Variants in GABRA4 observed in about 807,000 individuals in gnomAD.
GABRA4 encodes gamma-aminobutyric acid receptor subunit alpha-4.
GABRA4 carries 12 observed loss-of-function variants against 49.7 expected under a neutral mutation model. The ratio of observed to expected loss-of-function variants is 0.24; its 90% confidence interval spans 0.15 to 0.39. The LOEUF is 0.39. Among genes scored for constraint, GABRA4 ranks in the 10% least tolerant of loss-of-function variants. GABRA4 has a pLI of 1.00. For synonymous variants in GABRA4, 288 were observed against 240.2 expected (o/e 1.20, Z -1.84); for missense variants, 506 against 686.0 (o/e 0.74, Z 2.93).
rs568713269 is a variant in GABRA4 at position 46,974,517 on chromosome 4, G to C, written c.578-142C>G. The C allele has an allele frequency of 5.3e-6, 4 of 759,366 alleles. No homozygotes were observed. In the South Asian group the frequency reaches 1.1e-4, roughly 21 times the overall value. 47.0% of individuals were successfully genotyped at this position (759,366 alleles called of 1,614,324 possible). ...ACTATAATTTAGTCACTATAATTTA[G>C]TTCACTATAATTTAGTCAAACATCT... On this transcript the variant is annotated intron_variant, in intron 5 of 8. Coordinates refer to ENST00000264318, the MANE Select transcript of GABRA4 (RefSeq NM_000809.4).
rs752770273 is a variant in GABRA4 at position 46,928,214 on chromosome 4, T to G, written c.*11A>C. 5.7e-6 allele frequency: 9 copies of G among 1,591,164 alleles called. No individual in the cohort carries two copies. The South Asian group carries it at 9.1e-5, about 16-fold the overall frequency. ...TTCATCATCTTTTAGCAAACTACTA[T>G]AGCAACGAAATTACATTAGACTTTC... On this transcript the variant is annotated 3_prime_UTR_variant, in exon 9 of 9. Coordinates refer to ENST00000264318, the MANE Select transcript of GABRA4 (RefSeq NM_000809.4).
At chr4:46,971,046 T>C (rs200292239) in intron 7 of GABRA4, 37 bp downstream of exon 7, 79 of 1,583,898 alleles carry the variant, frequency 5.0e-5, no homozygotes, top group Non-Finnish European at 6.4e-5. Flanking sequence ...TAAAATGTAA[T>C]GTGAACAAAA....
intron 8 of GABRA4, among the ~76,000 whole-genome samples, chr4:46,959,309 A>G (rs1221866285): frequency 6.6e-6 from 1 of 151,964 alleles, no homozygotes; most frequent in Non-Finnish European, 1.5e-5. Flanking sequence ...TAGACCACAG[A>G]TAGTCTTCAA....
chr4:46,966,352 C>T (rs1036354208), intron 7 of GABRA4, among the ~76,000 whole-genome samples: 2 of 151,642 alleles, frequency 1.3e-5, no homozygotes, highest in African/African-American at 4.8e-5. Context: ...TAATCCATGC[C>T]AATCCCCAGC....
Position 46,925,762 on chromosome 4 carries a change from TC to T in GABRA4, c.*2462del, listed in dbSNP as rs1391118374. On this transcript the variant is annotated 3_prime_UTR_variant, in exon 9 of 9. Coordinates refer to ENST00000264318, the MANE Select transcript of GABRA4 (RefSeq NM_000809.4). ...ATTATTATTATTATTATTATTATCA[TC>T]ATTATTATCATTGTGTGCAAATGAA... 3 of 146,464 alleles carry T rather than the reference TC, an allele frequency of 2.0e-5. No homozygotes were observed. Among genetic ancestry groups the T allele is most frequent in the African/African-American group, 7.4e-5 (3 of 40,404 alleles). 9.1% of individuals were successfully genotyped at this position (146,464 alleles called of 1,614,324 possible).
intron 1 of GABRA4, 45 bp downstream of exon 1, chr4:46,993,294 T>C (rs1197590259): frequency 6.5e-7 from 1 of 1,538,700 alleles, no homozygotes; most frequent in Non-Finnish European, 9.0e-7. Context: ...GCTAGCCATT[T>C]CTCCACTTTC....
chr4:46,931,297 C>T (rs1400034667), intron 8 of GABRA4, among the ~76,000 whole-genome samples: 1 of 152,016 alleles, frequency 6.6e-6, no homozygotes, highest in Non-Finnish European at 1.5e-5. Flanking sequence ...AAGTTCCTGT[C>T]TTAATAGTAT....
intron 8 of GABRA4, among the ~76,000 whole-genome samples, chr4:46,949,319 T>G (rs901007346): frequency 6.6e-6 from 1 of 152,150 alleles, no homozygotes; most frequent in Non-Finnish European, 1.5e-5. Context: ...TAGATTACTA[T>G]TTGGAAACAT....
chr4:46,958,470 A>G (rs1722441988), intron 8 of GABRA4, among the ~76,000 whole-genome samples: 2 of 151,904 alleles, frequency 1.3e-5, no homozygotes. Context: ...TTTGTTCTAT[A>G]GTTGTTTATT....
At chr4:46,957,296 T>C (rs1722399500) in intron 8 of GABRA4, among the ~76,000 whole-genome samples, 1 of 151,736 alleles carries the variant, frequency 6.6e-6, no homozygotes, top group Admixed American at 6.6e-5. Context: ...AAAATTATCA[T>C]AAGAGTACTT....
chr4:46,968,059 T>A (rs1722828663), intron 7 of GABRA4, among the ~76,000 whole-genome samples: 1 of 151,542 alleles, frequency 6.6e-6, no homozygotes, highest in African/African-American at 2.4e-5. Flanking sequence ...TTTTACACAG[T>A]CTCTAATGAT....
At chr4:46,948,690 C>T (rs1193690724) in intron 8 of GABRA4, among the ~76,000 whole-genome samples, 2 of 152,060 alleles carry the variant, frequency 1.3e-5, no homozygotes, top group Admixed American at 1.3e-4. Flanking sequence ...TTCATACTGT[C>T]TCTCCCCAGT....
In GABRA4 at chr4:46,928,137, A is replaced by C. The variant is rs530920523; in HGVS notation, c.*88T>G. On this transcript the variant is annotated 3_prime_UTR_variant, in exon 9 of 9. Transcript: ENST00000264318. ...AAAAATTACACAGAGTTTTTATTTT[A>C]GTAAAGAATATTTGTTTATATTTAA... The C allele has an allele frequency of 9.0e-5, 100 of 1,110,758 alleles. No individual in the cohort carries two copies. The African/African-American group carries it at 1.4e-3, about 16-fold the overall frequency. 68.8% of individuals were successfully genotyped at this position (1,110,758 alleles called of 1,614,324 possible).
chr4:46,977,479 G>A lies in GABRA4; in HGVS notation c.425C>T (p.Ser142Leu). The change falls in exon 4 of 9, where the codon TCA becomes TTA. Residue 142 changes from serine (S) to leucine (L), a missense_variant. Ser to Leu is a moderately radical substitution (Grantham distance 145). This residue lies in a region of GABRA4 where 195 missense variants were observed against 326.0 expected (regional missense o/e 0.60). Transcript: ENST00000264318. ...CTTATTTGGAGCTGTCATATTATGT[G>A]AGACAGATTTCTTTCCATTCCTGAA... Reference protein sequence around the residue: ...TFFRNGKKSVSHNMTAPNKLF... With the variant: ...TFFRNGKKSVLHNMTAPNKLF... The A allele has an allele frequency of 6.2e-7, 1 of 1,611,386 alleles. No individual in the cohort carries two copies. The highest frequency in any genetic ancestry group is 8.5e-7 in the Non-Finnish European group (1 of 1,178,100).
chr4:46,975,284 T>C lies in GABRA4; in HGVS notation c.578-909A>G, dbSNP rs1877400. ...GGAGTTGACACCTAAGAGCACCTTATGAAACAAACTATGAGGCTTGTGTTG... is the reference window on the plus strand; with the variant it reads ...GGAGTTGACACCTAAGAGCACCTTACGAAACAAACTATGAGGCTTGTGTTG... On this transcript the variant is annotated intron_variant, in intron 5 of 8. Transcript: ENST00000264318. 9.6e-3 allele frequency among the ~76,000 whole-genome samples: 1,455 copies of C among 152,140 alleles called. 13 individuals are homozygous for C. The highest frequency in any genetic ancestry group is 0.033 in the African/African-American group (1,362 of 41,562).
At chr4:46,976,448 A>T (rs1577787251) in intron 5 of GABRA4, among the ~76,000 whole-genome samples, 1 of 150,822 alleles carries the variant, frequency 6.6e-6, no homozygotes, top group Non-Finnish European at 1.5e-5. Context: ...GGCTTCCCAT[A>T]GCTTTTAGAT....
chr4:46,974,653 C>T (rs1326083982), intron 5 of GABRA4, among the ~76,000 whole-genome samples: 1 of 151,844 alleles, frequency 6.6e-6, no homozygotes, highest in African/African-American at 2.4e-5. Context: ...ATCTAAAATG[C>T]TACATATGCA....
chr4:46,977,706 C>A, intron 3 of GABRA4, 76 bp from the exon 4 acceptor site: 1 of 979,078 alleles, frequency 1.0e-6, no homozygotes, highest in South Asian at 1.6e-5. Context: ...GCATTAAATT[C>A]TGTCTTCCTT....
At chr4:46,960,391 T>C (rs1328753464) in intron 8 of GABRA4, among the ~76,000 whole-genome samples, 1 of 151,734 alleles carries the variant, frequency 6.6e-6, no homozygotes. Context: ...TAAAAGGTTA[T>C]ATGTTAAACA....
Sources: gnomAD v4.1 joint callset for allele counts (sites outside exome capture counted in the v4.1 genomes callset) on GRCh38, gnomAD v4.1.1 for gene constraint, gnomAD v4.1.1 regional missense constraint, MANE v1.5 for transcripts, NCBI Gene and HGNC (gene_info 2026-07-23, HGNC 2026-07-21) for gene names.